Variants in MTCL3 observed in about 807,000 individuals in gnomAD.
MTCL3 encodes the protein MTCL family member 3, also known as microtubule cross-linking factor 3.
At chr6:127,515,978 C>G in the MTCL3 span, 1 of 1,592,776 alleles carries the variant, frequency 6.3e-7, no homozygotes, top group African/African-American at 1.3e-5. The surrounding 1 kb of genome is among the most constrained non-coding windows in gnomAD (Gnocchi z 4.3). Context: ...GGGGAGGCCC[C>G]CTCCCCGCCG....
chr6:127,474,474 C>T, the MTCL3 span, among the ~76,000 whole-genome samples: 23 of 151,948 alleles, frequency 1.5e-4, no homozygotes, highest in African/African-American at 4.4e-4. Flanking sequence ...ACACGGGTTT[C>T]GCCATGTTGG....
At chr6:127,497,495 A>G in the MTCL3 span, among the ~76,000 whole-genome samples, 1 of 152,264 alleles carries the variant, frequency 6.6e-6, no homozygotes, top group African/African-American at 2.4e-5. Flanking sequence ...AACAACTACA[A>G]ACTTCTTCAA....
At chr6:127,498,800 G>A in the MTCL3 span, among the ~76,000 whole-genome samples, 1 of 152,076 alleles carries the variant, frequency 6.6e-6, no homozygotes, top group African/African-American at 2.4e-5. Context: ...ACTGGTCTAG[G>A]TGAAAGAAGC....
chr6:127,516,854 T>C, the MTCL3 span, among the ~76,000 whole-genome samples: 1 of 152,322 alleles, frequency 6.6e-6, no homozygotes. Flanking sequence ...TGGAGGGCTG[T>C]CAATTCTCAT....
chr6:127,479,575 T>C, the MTCL3 span, among the ~76,000 whole-genome samples: 4 of 152,164 alleles, frequency 2.6e-5, no homozygotes, highest in African/African-American at 7.2e-5. Context: ...AACACTTCAC[T>C]GGGTTATATT....
chr6:127,486,290 C>G, the MTCL3 span, among the ~76,000 whole-genome samples: 1 of 152,106 alleles, frequency 6.6e-6, no homozygotes, highest in African/African-American at 2.4e-5. Flanking sequence ...TTTCAGGTGC[C>G]TTTAGGGCTG....
At chr6:127,487,645 A>G in the MTCL3 span, among the ~76,000 whole-genome samples, 1 of 152,114 alleles carries the variant, frequency 6.6e-6, no homozygotes, top group Non-Finnish European at 1.5e-5. Context: ...CTTACTTAGG[A>G]CCACATTCAC....
the MTCL3 span, among the ~76,000 whole-genome samples, chr6:127,497,863 C>T: frequency 4.6e-5 from 7 of 152,078 alleles, no homozygotes; most frequent in Admixed American, 4.6e-4. Context: ...GTCTTTTCGA[C>T]AAACGGTGCT....
the MTCL3 span, among the ~76,000 whole-genome samples, chr6:127,509,127 G>A: frequency 6.6e-6 from 1 of 152,226 alleles, no homozygotes; most frequent in Admixed American, 6.5e-5. Context: ...AGTGCTGGTA[G>A]CAATCAGTGT....
the MTCL3 span, chr6:127,483,022 A>G: frequency 6.7e-7 from 1 of 1,481,606 alleles, no homozygotes; most frequent in East Asian, 2.3e-5. Context: ...TGGATAAACT[A>G]TAATTTTAAT....
chr6:127,516,275 C>T, the MTCL3 span: 8 of 1,500,090 alleles, frequency 5.3e-6, no homozygotes, highest in South Asian at 7.8e-5. Flanking sequence ...GCTCCCGGAG[C>T]GGCCCCTTTG....
At chr6:127,514,804 G>T in the MTCL3 span, 1 of 1,599,378 alleles carries the variant, frequency 6.3e-7, no homozygotes. Context: ...GCGCGCCATT[G>T]AGCCCCCGCG....
the MTCL3 span, among the ~76,000 whole-genome samples, chr6:127,517,010 T>C: frequency 6.6e-6 from 1 of 152,046 alleles, no homozygotes; most frequent in Non-Finnish European, 1.5e-5. Flanking sequence ...AAGGGAGATA[T>C]AAAAGAAAAG....
chr6:127,473,175 T>C, the MTCL3 span: 3 of 1,280,224 alleles, frequency 2.3e-6, no homozygotes, highest in East Asian at 9.7e-5. Flanking sequence ...AGTGTTTTTA[T>C]AGCATTGGTT....
the MTCL3 span, chr6:127,515,903 C>T: frequency 6.2e-7 from 1 of 1,611,436 alleles, no homozygotes; most frequent in Non-Finnish European, 8.5e-7. The surrounding 1 kb of genome is among the most constrained non-coding windows in gnomAD (Gnocchi z 4.3). Context: ...CCCCCCGCAA[C>T]GCCGCTTCCG....
the MTCL3 span, chr6:127,475,952 G>T: frequency 6.2e-7 from 1 of 1,612,144 alleles, no homozygotes. The surrounding 1 kb of genome is among the most constrained non-coding windows in gnomAD (Gnocchi z 7.3). Flanking sequence ...TTGTCGTGGT[G>T]CCGCGCGCTG....
At chr6:127,495,590 G>A in the MTCL3 span, among the ~76,000 whole-genome samples, 1 of 152,170 alleles carries the variant, frequency 6.6e-6, no homozygotes, top group African/African-American at 2.4e-5. Flanking sequence ...AAGATGGCAG[G>A]ACACTAAGGG....
the MTCL3 span, among the ~76,000 whole-genome samples, chr6:127,486,980 T>C: frequency 1.3e-5 from 2 of 152,146 alleles, no homozygotes; most frequent in African/African-American, 4.8e-5. Context: ...TTCATTTGTG[T>C]GGTAATTAAA....
chr6:127,479,515 C>A, the MTCL3 span, among the ~76,000 whole-genome samples: 2 of 152,174 alleles, frequency 1.3e-5, no homozygotes, highest in Admixed American at 1.3e-4. Flanking sequence ...CAAATTGAAT[C>A]TAACCAAAAC....
Sources: gnomAD v4.1 joint callset for allele counts (sites outside exome capture counted in the v4.1 genomes callset) on GRCh38, gnomAD v4.1.1 for gene constraint, Gnocchi (gnomAD v3.1) non-coding constraint, MANE v1.5 for transcripts, NCBI Gene and HGNC (gene_info 2026-07-23, HGNC 2026-07-21) for gene names.